Variants in COLGALT2 observed in about 807,000 individuals in gnomAD.
The protein encoded by COLGALT2 is procollagen galactosyltransferase 2.
In COLGALT2, 49 loss-of-function variants were observed where a neutral mutation model predicts 73.4. That is an observed-to-expected ratio of 0.67 (90% confidence interval 0.53 to 0.85). COLGALT2 has a LOEUF of 0.85. Ranked by LOEUF, COLGALT2 falls within the 40% of genes least tolerant of loss-of-function variation. COLGALT2 has a pLI of 0.00. For missense variants in COLGALT2, 722 were observed against 790.2 expected (o/e 0.91, Z 1.03); for synonymous variants, 295 against 307.6 (o/e 0.96, Z 0.43).
intron 5 of COLGALT2, among the ~76,000 whole-genome samples, chr1:183,967,776 C>G (rs150474794): frequency 1.3e-5 from 2 of 152,316 alleles, no homozygotes; most frequent in Middle Eastern, 3.4e-3. Flanking sequence ...TGCTTCCCAT[C>G]CTGGGGAAGT....
At chr1:184,008,321 A>T (rs777147949) in intron 1 of COLGALT2, among the ~76,000 whole-genome samples, 1 of 152,238 alleles carries the variant, frequency 6.6e-6, no homozygotes, top group African/African-American at 2.4e-5. Flanking sequence ...GACTAAAGAG[A>T]CAGAATGACT....
intron 9 of COLGALT2, 56 bp downstream of exon 9, chr1:183,945,376 G>T: frequency 6.3e-7 from 1 of 1,590,254 alleles, no homozygotes. Flanking sequence ...ACCTACGATA[G>T]CCTGCTTTCC....
At position 183,944,348 on chromosome 1, in the gene COLGALT2, T is replaced by C. The variant is rs1436261756; in HGVS notation, c.1270-25A>G. On this transcript the variant is annotated intron_variant, in intron 9 of 11. Transcript: ENST00000361927. Reference sequence around the variant, plus strand: ...CCTGCAAAAGTCATCAGTAGGAAGATACCCTATGAAAAGTTTGAAACCCAA... The same window carrying C: ...CCTGCAAAAGTCATCAGTAGGAAGACACCCTATGAAAAGTTTGAAACCCAA... 3.8e-6 allele frequency: 6 copies of C among 1,599,244 alleles called. No homozygotes were observed. In the African/African-American group the frequency reaches 5.4e-5, roughly 14 times the overall value.
downstream of COLGALT2, among the ~76,000 whole-genome samples, chr1:183,933,744 C>T (rs1165679979): frequency 1.3e-5 from 2 of 148,470 alleles, no homozygotes; most frequent in Non-Finnish European, 3.0e-5. Flanking sequence ...CTTGCCAGGT[C>T]CATGGGGGCA....
rs187415437 is a variant in COLGALT2 at position 183,938,804 on chromosome 1, G to T, written c.1838C>A (p.Pro613Gln). Residue 613 changes from proline to glutamine, a missense_variant, in exon 12 of 12, where the codon CCG becomes CAG. By Grantham distance (76) the Pro-to-Gln change is moderately conservative. Coordinates refer to ENST00000361927, the MANE Select transcript of COLGALT2 (RefSeq NM_015101.4). ...SNAKNTEALP[P>Q]PTSLDTVPSR... ...AGGCACAGTGTCCAGGGAGGTTGGC[G>T]GTGGCAGGGCCTCTGTGTTCTTGGC... is the stretch of plus-strand genomic sequence containing the variant. 2 of 1,614,184 alleles carry T rather than the reference G, an allele frequency of 1.2e-6. No homozygotes were observed. The highest frequency in any genetic ancestry group is 4.5e-5 in the East Asian group (2 of 44,890).
Position 184,037,160 on chromosome 1 carries a change from G to T in COLGALT2, c.198C>A (p.His66Gln). Residue 66 changes from histidine (H) to glutamine (Q), a missense_variant, in exon 1 of 12, where the codon CAC becomes CAA. Transcript: ENST00000361927. ...GGCAGCCGAGGAAGTGCGGCAGCGT[G>T]TGCGCCGCGTTGCGGGCGAGGACCG... Reference protein sequence around the residue: ...LVAVLARNAAHTLPHFLGCLE... With the variant: ...LVAVLARNAAQTLPHFLGCLE... 1 of 1,603,632 alleles carries T rather than the reference G, an allele frequency of 6.2e-7. No individual in the cohort carries two copies. Among genetic ancestry groups the T allele is most frequent in the Non-Finnish European group, 8.5e-7 (1 of 1,176,648 alleles).
At chr1:183,972,844 C>T (rs1321976595) in intron 4 of COLGALT2, among the ~76,000 whole-genome samples, 3 of 152,118 alleles carry the variant, frequency 2.0e-5, no homozygotes, top group Non-Finnish European at 4.4e-5. Context: ...GGACTATAGG[C>T]GCCCAACACC....
At chr1:184,002,502 C>A (rs143144136) in intron 1 of COLGALT2, among the ~76,000 whole-genome samples, 1 of 152,096 alleles carries the variant, frequency 6.6e-6, no homozygotes, top group Non-Finnish European at 1.5e-5. Context: ...TGCTTTGTAG[C>A]GACAGGAAGA....
intron 1 of COLGALT2, among the ~76,000 whole-genome samples, chr1:184,002,815 A>C (rs1252943607): frequency 1.3e-5 from 2 of 152,210 alleles, no homozygotes; most frequent in Non-Finnish European, 1.5e-5. Flanking sequence ...ACTGGGCTTA[A>C]TATCTACCAG....
chr1:183,965,871 C>T (rs1401512558), intron 5 of COLGALT2, among the ~76,000 whole-genome samples: 1 of 152,150 alleles, frequency 6.6e-6, no homozygotes, highest in African/African-American at 2.4e-5. Flanking sequence ...AGAACACTGA[C>T]CATCAATCTG....
chr1:183,939,319 T>C (rs1304594312), intron 11 of COLGALT2, among the ~76,000 whole-genome samples: 1 of 152,216 alleles, frequency 6.6e-6, no homozygotes, highest in Non-Finnish European at 1.5e-5. Context: ...AAGTAAGCCC[T>C]GTTAGACCAT....
chr1:183,930,020 A>G (rs1020797569), exon 12 of COLGALT2: 27 of 293,366 alleles, frequency 9.2e-5, no homozygotes, highest in African/African-American at 6.0e-4. Flanking sequence ...AGTGATGATA[A>G]AGAGAGTAAA....
At chr1:184,020,631 A>G (rs1439207414) in intron 1 of COLGALT2, among the ~76,000 whole-genome samples, 3 of 152,218 alleles carry the variant, frequency 2.0e-5, no homozygotes, top group Middle Eastern at 3.4e-3. Context: ...GTACTCTCCT[A>G]TCAGAGCTCT....
downstream of COLGALT2, among the ~76,000 whole-genome samples, chr1:183,929,698 C>T (rs1315456857): frequency 6.6e-6 from 1 of 152,202 alleles, no homozygotes; most frequent in African/African-American, 2.4e-5. Context: ...TGACTCAAAC[C>T]TCTTTTTCTT....
At chr1:183,963,025 C>T (rs1333807368) in intron 6 of COLGALT2, among the ~76,000 whole-genome samples, 3 of 152,172 alleles carry the variant, frequency 2.0e-5, no homozygotes, top group Non-Finnish European at 4.4e-5. Context: ...AGAAAATAGT[C>T]CCTGCTTTGG....
At chr1:183,949,751 T>C (rs2102795023) in intron 8 of COLGALT2, among the ~76,000 whole-genome samples, 1 of 152,356 alleles carries the variant, frequency 6.6e-6, no homozygotes, top group South Asian at 2.1e-4. Flanking sequence ...AATGAAAAAC[T>C]CTTTTGCTTC....
intron 4 of COLGALT2, among the ~76,000 whole-genome samples, chr1:183,973,244 T>C (rs1274345050): frequency 6.6e-6 from 1 of 152,222 alleles, no homozygotes; most frequent in African/African-American, 2.4e-5. Flanking sequence ...GGATTTAACA[T>C]CTGTCTTGTT....
chr1:183,955,744 A>C (rs1174627909), intron 6 of COLGALT2, among the ~76,000 whole-genome samples: 1 of 152,206 alleles, frequency 6.6e-6, no homozygotes, highest in African/African-American at 2.4e-5. Flanking sequence ...TTTTCCTTAA[A>C]GGGATAATAC....
At chr1:183,941,442 G>A (rs1471615294) in intron 10 of COLGALT2, among the ~76,000 whole-genome samples, 2 of 152,118 alleles carry the variant, frequency 1.3e-5, no homozygotes, top group East Asian at 1.9e-4. Context: ...TCCGTCCTCC[G>A]TGAACAACTT....
Sources: gnomAD v4.1 joint callset for allele counts (sites outside exome capture counted in the v4.1 genomes callset) on GRCh38, gnomAD v4.1.1 for gene constraint, MANE v1.5 for transcripts, NCBI Gene and HGNC (gene_info 2026-07-23, HGNC 2026-07-21) for gene names.